Variants in SGCD observed in about 807,000 individuals in gnomAD.
SGCD encodes sarcoglycan delta.
In SGCD, 18 loss-of-function variants were observed where a neutral mutation model predicts 36.6. That is an observed-to-expected ratio of 0.49 (90% CI 0.34 to 0.73). The LOEUF (loss-of-function observed/expected upper bound fraction) is 0.73, where lower values mean the gene tolerates loss of function less well. Ranked by LOEUF, SGCD falls within the 30% of genes least tolerant of loss-of-function variation. The probability of loss-of-function intolerance (pLI) is 0.01; values close to 1 mark genes in which losing one functional copy is unlikely to be tolerated. For missense variants in SGCD, 387 were observed against 346.7 expected (o/e 1.12, Z -0.92); for synonymous variants, 133 against 130.6 (o/e 1.02, Z -0.12).
chr5:156,655,187 C>G (rs929539570), intron 7 of SGCD, among the ~76,000 whole-genome samples: 1 of 152,044 alleles, frequency 6.6e-6, no homozygotes, highest in East Asian at 1.9e-4. Flanking sequence ...AATAGACAAG[C>G]AGAAACTTAA....
At chr5:156,344,780 C>A in intron 3 of SGCD, 103 bp downstream of exon 3, 2 of 828,054 alleles carry the variant, frequency 2.4e-6, no homozygotes, top group Admixed American at 3.0e-5. Context: ...CAGTAGGACT[C>A]AAAAAATCTG....
At chr5:156,752,614 G>A (rs1051734240) in intron 7 of SGCD, among the ~76,000 whole-genome samples, 10 of 152,100 alleles carry the variant, frequency 6.6e-5, no homozygotes, top group African/African-American at 1.7e-4. Flanking sequence ...GGCTGGTCTC[G>A]AACTCCTGAC....
rs1306855204 is a variant in SGCD at position 156,405,692 on chromosome 5, G to A, written c.192+61015G>A. Reference sequence around the variant, plus strand: ...GAGAAATTGTCTTCCTCTTATCAGCGAGTTCTTAAATTCTGTGCCTGAGTA... The same window carrying A: ...GAGAAATTGTCTTCCTCTTATCAGCAAGTTCTTAAATTCTGTGCCTGAGTA... On this transcript the variant is annotated intron_variant, in intron 3 of 8. Transcript: ENST00000337851. Among the ~76,000 whole-genome samples, 6 of 152,248 alleles carry A rather than the reference G, an allele frequency of 3.9e-5. No individual in the cohort carries two copies. The East Asian group carries it at 5.8e-4, about 15-fold the overall frequency.
chr5:156,031,706 G>A (rs1025473546), intron 1 of SGCD, among the ~76,000 whole-genome samples: 5 of 152,212 alleles, frequency 3.3e-5, no homozygotes, highest in South Asian at 4.1e-4. Context: ...CATTTTGCAC[G>A]GATTACCTAG....
chr5:156,418,423 G>T (rs1347838696), intron 3 of SGCD, among the ~76,000 whole-genome samples: 1 of 152,130 alleles, frequency 6.6e-6, no homozygotes, highest in Non-Finnish European at 1.5e-5. Context: ...AGAGCAGGAA[G>T]TATTACCAGC....
At chr5:156,678,155 T>C (rs990770380) in intron 7 of SGCD, among the ~76,000 whole-genome samples, 2 of 152,182 alleles carry the variant, frequency 1.3e-5, no homozygotes, top group Admixed American at 6.5e-5. Flanking sequence ...TGCCAGATGA[T>C]ACCAGGCTGT....
At chr5:156,105,097 T>G (rs1221029030) in intron 1 of SGCD, among the ~76,000 whole-genome samples, 2 of 152,190 alleles carry the variant, frequency 1.3e-5, no homozygotes, top group African/African-American at 4.8e-5. Context: ...TATACATATG[T>G]AACAAACCTG....
At chr5:155,892,055 T>C (rs1406245421) in intron 1 of SGCD, among the ~76,000 whole-genome samples, 1 of 152,204 alleles carries the variant, frequency 6.6e-6, no homozygotes, top group Admixed American at 6.5e-5. Context: ...ATTGCTGATT[T>C]TGAATTGTAT....
chr5:156,390,214 TAA>T (rs59950725), intron 3 of SGCD, among the ~76,000 whole-genome samples: 1 of 150,658 alleles, frequency 6.6e-6, no homozygotes, highest in East Asian at 1.9e-4. Flanking sequence ...TTCTGTTTAT[TAA>T]AAAAAAAAGT....
chr5:156,535,686 A>G (rs1179179781), intron 4 of SGCD, among the ~76,000 whole-genome samples: 1 of 152,224 alleles, frequency 6.6e-6, no homozygotes, highest in African/African-American at 2.4e-5. Context: ...GAGCACAAGA[A>G]TAGTCTATTT....
intron 1 of SGCD, among the ~76,000 whole-genome samples, chr5:155,940,962 G>C (rs1207282169): frequency 6.6e-6 from 1 of 152,052 alleles, no homozygotes; most frequent in Non-Finnish European, 1.5e-5. Flanking sequence ...TGTTGTTATA[G>C]CTGAATACCA....
the SGCD span, among the ~76,000 whole-genome samples, chr5:155,809,120 C>CAGAACTGT: frequency 1.3e-5 from 2 of 152,170 alleles, no homozygotes; most frequent in Non-Finnish European, 1.5e-5. Context: ...TGAACTGTCC[C>CAGAACTGT]TTCTGAACTG....
chr5:156,351,692 C>T (rs1284426311), intron 3 of SGCD, among the ~76,000 whole-genome samples: 1 of 151,976 alleles, frequency 6.6e-6, no homozygotes, highest in Non-Finnish European at 1.5e-5. Context: ...GTCGCAGTTA[C>T]AGTTTGCAAA....
At chr5:156,375,842 T>A (rs60618824) in intron 3 of SGCD, among the ~76,000 whole-genome samples, 5,817 of 152,284 alleles carry the variant, frequency 0.038, 327 homozygotes, top group African/African-American at 0.13. Context: ...AGAGTTTATT[T>A]TGGAAACTCT....
intron 3 of SGCD, among the ~76,000 whole-genome samples, chr5:156,412,857 G>T (rs953829338): frequency 2.0e-5 from 3 of 146,478 alleles, no homozygotes; most frequent in African/African-American, 5.1e-5. Context: ...CTGCAGTGGC[G>T]CAATCTCGGC....
intron 7 of SGCD, among the ~76,000 whole-genome samples, chr5:156,665,126 C>A (rs1764093981): frequency 6.6e-6 from 1 of 152,068 alleles, no homozygotes; most frequent in South Asian, 2.1e-4. Flanking sequence ...TACTGAAGTT[C>A]AGCCGGCGGC....
At chr5:155,795,740 G>A in the SGCD span, among the ~76,000 whole-genome samples, 20 of 152,072 alleles carry the variant, frequency 1.3e-4, no homozygotes, top group Admixed American at 1.0e-3. Flanking sequence ...TTGCAAGTAT[G>A]TACTGCTTAT....
the SGCD span, among the ~76,000 whole-genome samples, chr5:155,762,630 A>G: frequency 2.0e-5 from 3 of 152,196 alleles, no homozygotes; most frequent in African/African-American, 7.2e-5. Context: ...TAAGTGATTC[A>G]TCCAGGATCA....
intron 3 of SGCD, among the ~76,000 whole-genome samples, chr5:156,483,064 T>C (rs772117463): frequency 6.6e-6 from 1 of 152,126 alleles, no homozygotes; most frequent in Non-Finnish European, 1.5e-5. Context: ...CATCTAGGCC[T>C]CATGAATGGT....
Sources: allele counts gnomAD v4.1 joint callset (sites outside exome capture counted in the v4.1 genomes callset), GRCh38; gene constraint gnomAD v4.1.1; transcripts MANE v1.5; gene names NCBI Gene and HGNC (gene_info 2026-07-23, HGNC 2026-07-21).